The following DAB2IP variants were observed in gnomAD, a reference collection of about 807,000 sequenced individuals.
The protein encoded by DAB2IP is disabled homolog 2-interacting protein.
Under a neutral mutation model 107.2 loss-of-function variants are expected in DAB2IP, and 28 were observed. That is an observed-to-expected ratio of 0.26 (90% CI 0.19 to 0.36). The LOEUF (loss-of-function observed/expected upper bound fraction) is 0.36, where lower values mean the gene tolerates loss of function less well. Ranked by LOEUF, DAB2IP falls within the 10% of genes least tolerant of loss-of-function variation. DAB2IP has a pLI of 1.00. For missense variants in DAB2IP, 1,400 were observed against 1,644.7 expected (o/e 0.85, Z 2.57); for synonymous variants, 755 against 706.4 (o/e 1.07, Z -1.09).
intron 3 of DAB2IP, among the ~76,000 whole-genome samples, chr9:121,755,845 A>C (rs558333057): frequency 3.9e-5 from 6 of 152,300 alleles, no homozygotes; most frequent in Non-Finnish European, 8.8e-5. Flanking sequence ...CGAGCCCCTC[A>C]AGGTCAGGGA....
chr9:121,640,636 T>G (rs1418754473), intron 1 of DAB2IP, among the ~76,000 whole-genome samples: 1 of 151,556 alleles, frequency 6.6e-6, no homozygotes, highest in Non-Finnish European at 1.5e-5. Flanking sequence ...AGCATCAGAG[T>G]CAGGAGGGAC....
chr9:121,687,983 C>T (rs944265221), intron 2 of DAB2IP, among the ~76,000 whole-genome samples: 1 of 152,178 alleles, frequency 6.6e-6, no homozygotes, highest in Non-Finnish European at 1.5e-5. Flanking sequence ...GGACCCAGGC[C>T]TCCCCATCTC....
chr9:121,711,040 C>G (rs1830315054), intron 3 of DAB2IP, among the ~76,000 whole-genome samples: 1 of 152,166 alleles, frequency 6.6e-6, no homozygotes, highest in Non-Finnish European at 1.5e-5. Context: ...TAGTGAAAAC[C>G]TATTCCAGAG....
chr9:121,699,136 G>C lies in DAB2IP; in HGVS notation c.229-189G>C, dbSNP rs893456631. On this transcript the variant is annotated intron_variant, in intron 2 of 15. Transcript: ENST00000408936. The surrounding 1 kb of genome is among the most constrained non-coding windows in gnomAD (Gnocchi z 6.2). ...CGGGGTGGGCTGGGCCGCGCTGCGC[G>C]GGCCGGGCCGTCGGCGCTCGGTCGG... Among the ~76,000 whole-genome samples the C allele has an allele frequency of 2.1e-5, 3 of 145,506 alleles. No individual in the cohort carries two copies. The highest frequency in any genetic ancestry group is 2.5e-5 in the African/African-American group (1 of 40,568).
chr9:121,757,815 C>T lies in DAB2IP; in HGVS notation c.516+649C>T, dbSNP rs1400810548. Among the ~76,000 whole-genome samples, 4 of 150,670 alleles carry T rather than the reference C, an allele frequency of 2.7e-5. No homozygotes were observed. In the East Asian group the frequency reaches 5.8e-4, roughly 22 times the overall value. ...GCTTCTGCAGTTATTCATATTGCTT[C>T]CTACCAGTTTCTGGGAAGATTCCTA... On this transcript the variant is annotated intron_variant, in intron 4 of 15. Coordinates refer to ENST00000408936, the Ensembl canonical transcript of DAB2IP.
rs1588007951 is a variant in DAB2IP, at chr9:121,774,420, T to C, written c.3120+8T>C. ...CTCAGCCAAGCAGAAAAGGTAAAAC[T>C]GGACCCTGGCGGCTCGGGACAGGGC... On this transcript the variant is annotated splice_region_variant and intron_variant, in intron 13 of 15. Coordinates refer to ENST00000408936, the Ensembl canonical transcript of DAB2IP. The C allele has an allele frequency of 6.2e-7, 1 of 1,606,548 alleles. No homozygotes were observed. The highest frequency in any genetic ancestry group is 8.5e-7 in the Non-Finnish European group (1 of 1,177,446).
intron 9 of DAB2IP, among the ~76,000 whole-genome samples, chr9:121,767,348 G>A (rs1183897143): frequency 6.6e-6 from 1 of 152,228 alleles, no homozygotes; most frequent in Non-Finnish European, 1.5e-5. Flanking sequence ...TCCTGGTGGC[G>A]CTCAGCACTT....
At chr9:121,628,193 G>A (rs1181325044) in intron 1 of DAB2IP, among the ~76,000 whole-genome samples, 1 of 152,230 alleles carries the variant, frequency 6.6e-6, no homozygotes, top group Non-Finnish European at 1.5e-5. Context: ...CTTTGTTCCT[G>A]GAGCTGAGTG....
intron 3 of DAB2IP, among the ~76,000 whole-genome samples, chr9:121,709,712 TAAG>T (rs752985756): frequency 6.6e-5 from 10 of 152,218 alleles, no homozygotes; most frequent in Admixed American, 2.6e-4. Flanking sequence ...CCTGGTCACT[TAAG>T]AAGCACCCGT....
At chr9:121,650,242 T>TA (rs1413322531), upstream of DAB2IP, among the ~76,000 whole-genome samples, 1 of 152,214 alleles carries the variant, frequency 6.6e-6, no homozygotes, top group Non-Finnish European at 1.5e-5. Context: ...CTGATAGCTC[T>TA]GGACTCCTCA....
At chr9:121,726,626 A>G (rs1384694592) in intron 3 of DAB2IP, among the ~76,000 whole-genome samples, 2 of 152,200 alleles carry the variant, frequency 1.3e-5, no homozygotes, top group African/African-American at 2.4e-5. Flanking sequence ...AAAATGGAAC[A>G]AAATTAGAAG....
At chr9:121,722,848 C>T (rs934240189) in intron 3 of DAB2IP, among the ~76,000 whole-genome samples, 32 of 152,144 alleles carry the variant, frequency 2.1e-4, no homozygotes, top group African/African-American at 7.5e-4. Flanking sequence ...GTATAGAGTA[C>T]CAAATTCCAG....
At chr9:121,722,450 C>T (rs572498369) in intron 3 of DAB2IP, among the ~76,000 whole-genome samples, 1 of 152,296 alleles carries the variant, frequency 6.6e-6, no homozygotes, top group African/African-American at 2.4e-5. Flanking sequence ...GTCTGCCACT[C>T]CCCCCATGAT....
intron 1 of DAB2IP, chr9:121,598,286 C>G (rs1447681761): frequency 6.6e-6 from 1 of 152,336 alleles, no homozygotes; most frequent in Non-Finnish European, 1.5e-5. Flanking sequence ...CTGGTTCTGT[C>G]TGTACGACTG....
intron 3 of DAB2IP, among the ~76,000 whole-genome samples, chr9:121,746,533 G>A (rs1832732366): frequency 6.6e-6 from 1 of 152,160 alleles, no homozygotes; most frequent in African/African-American, 2.4e-5. Context: ...ATGAGGGAAG[G>A]AGGCCATCCC....
intron 3 of DAB2IP, among the ~76,000 whole-genome samples, chr9:121,723,809 T>C (rs1051486132): frequency 6.6e-6 from 1 of 152,132 alleles, no homozygotes; most frequent in Non-Finnish European, 1.5e-5. Flanking sequence ...TTTGTCTACT[T>C]AGGCTGGTGA....
intron 1 of DAB2IP, among the ~76,000 whole-genome samples, chr9:121,671,063 A>G (rs556152978): frequency 4.7e-4 from 71 of 152,304 alleles, no homozygotes; most frequent in African/African-American, 1.7e-3. Flanking sequence ...AGGCAGGAGA[A>G]CCGCTTGAAC....
intron 3 of DAB2IP, among the ~76,000 whole-genome samples, chr9:121,740,700 A>G (rs1422798190): frequency 1.3e-5 from 2 of 152,142 alleles, no homozygotes; most frequent in Non-Finnish European, 2.9e-5. Flanking sequence ...GAGATAACAT[A>G]ATGTCTGCTA....
At chr9:121,624,110 C>T (rs55790101) in intron 1 of DAB2IP, among the ~76,000 whole-genome samples, 4,493 of 152,328 alleles carry the variant, frequency 0.029, 96 homozygotes, top group Non-Finnish European at 0.042. Context: ...CCTAGTGCCA[C>T]CATCTCACTA....
Sources: allele counts gnomAD v4.1 joint callset (sites outside exome capture counted in the v4.1 genomes callset), GRCh38; gene constraint gnomAD v4.1.1; non-coding constraint Gnocchi (gnomAD v3.1); transcripts MANE v1.5; gene names NCBI Gene and HGNC (gene_info 2026-07-23, HGNC 2026-07-21).